Variants in TTLL6 observed in about 807,000 individuals in gnomAD.
TTLL6 encodes tubulin polyglutamylase TTLL6.
Under a neutral mutation model 96.4 loss-of-function variants are expected in TTLL6, and 75 were observed. The ratio of observed to expected loss-of-function variants is 0.78; its 90% CI spans 0.65 to 0.94. TTLL6 has a LOEUF of 0.94. TTLL6 is among the 40% of genes least tolerant of loss of function. TTLL6 has a pLI of 0.00. For missense variants in TTLL6, 1,030 were observed against 1,093.0 expected, an observed-to-expected ratio of 0.94 and a Z score of 0.81; for synonymous variants, 411 against 419.4, an observed-to-expected ratio of 0.98 and a Z score of 0.24.
chr17:48,791,370 T>C lies in TTLL6; in HGVS notation c.1224+8A>G. The C allele has an allele frequency of 6.2e-7, 1 of 1,613,248 alleles. No individual in the cohort carries two copies. The highest frequency in any genetic ancestry group is 8.5e-7 in the Non-Finnish European group (1 of 1,179,346). ...GTTCGTTTTCGCCCCTCGCCCAAAC[T>C]TCCCTACCTCCAGCAGCCAGGGTTT... On this transcript the variant is annotated splice_region_variant and intron_variant, in intron 9 of 15. Transcript: ENST00000393382.
intron 13 of TTLL6, among the ~76,000 whole-genome samples, chr17:48,775,974 G>A (rs528999182): frequency 5.3e-5 from 8 of 152,138 alleles, no homozygotes; most frequent in African/African-American, 1.2e-4. Context: ...ATGTTTCCCC[G>A]CTAAAATCAG....
chr17:48,803,808 A>T (rs1482587974), intron 3 of TTLL6, 83 bp downstream of exon 3: 1 of 1,411,410 alleles, frequency 7.1e-7, no homozygotes, highest in African/African-American at 1.4e-5. Flanking sequence ...TCATCCTCAC[A>T]AATATACAAG....
chr17:48,790,226 T>C (rs1308027431), intron 9 of TTLL6, 120 bp from the exon 10 acceptor site: 14 of 1,052,932 alleles, frequency 1.3e-5, no homozygotes, highest in Non-Finnish European at 1.8e-5. Context: ...ACTACCAAGA[T>C]GAAAGGGAGG....
chr17:48,781,178 C>G (rs2038978123), intron 13 of TTLL6, among the ~76,000 whole-genome samples: 3 of 152,082 alleles, frequency 2.0e-5, no homozygotes, highest in African/African-American at 4.8e-5. Context: ...TCCCGAGGAG[C>G]TGGCATTACA....
chr17:48,777,011 GACACACAC>G (rs71369215), intron 13 of TTLL6, among the ~76,000 whole-genome samples: 15 of 141,496 alleles, frequency 1.1e-4, no homozygotes, highest in South Asian at 7.0e-4. Flanking sequence ...CATAAGGATA[GACACACAC>G]ACACACACAC....
At chr17:48,793,241 A>G (rs1048753141) in intron 8 of TTLL6, among the ~76,000 whole-genome samples, 2 of 152,180 alleles carry the variant, frequency 1.3e-5, no homozygotes, top group East Asian at 3.8e-4. Flanking sequence ...GAGGAGGAAG[A>G]GGAAAGGAGA....
At chr17:48,800,280 T>TC (rs2039387559) in intron 5 of TTLL6, 1 of 153,292 alleles carries the variant, frequency 6.5e-6, no homozygotes, top group Non-Finnish European at 1.5e-5. Flanking sequence ...CTGTGACACC[T>TC]CCATTTCAGC....
intron 13 of TTLL6, among the ~76,000 whole-genome samples, chr17:48,779,962 G>T (rs2038955459): frequency 6.6e-6 from 1 of 152,020 alleles, no homozygotes; most frequent in East Asian, 1.9e-4. Flanking sequence ...AAACTTTCTG[G>T]AGATATCAAA....
chr17:48,787,688 G>A (rs756098038), intron 11 of TTLL6, 123 bp downstream of exon 11: 18 of 944,868 alleles, frequency 1.9e-5, no homozygotes, highest in East Asian at 2.5e-5. Context: ...GAGCCACGGC[G>A]CCTGGTTGCT....
chr17:48,783,207 T>C (rs2039021416), intron 13 of TTLL6, among the ~76,000 whole-genome samples: 1 of 152,054 alleles, frequency 6.6e-6, no homozygotes, highest in Non-Finnish European at 1.5e-5. Context: ...TGAAAAATTT[T>C]GAAAAGCATT....
At chr17:48,795,670 C>T (rs1040363557) in intron 8 of TTLL6, among the ~76,000 whole-genome samples, 25 of 152,190 alleles carry the variant, frequency 1.6e-4, no homozygotes, top group African/African-American at 5.1e-4. Flanking sequence ...TCCAGGGGAA[C>T]ATGGGCCAAG....
At chr17:48,814,318 C>CAAAAAAAAAAAAAAAAAAAAAAAAAAA (rs398030988) in intron 1 of TTLL6, among the ~76,000 whole-genome samples, 1 of 52,856 alleles carries the variant, frequency 1.9e-5, no homozygotes, top group Non-Finnish European at 3.3e-5. Context: ...GACAGTGTCT[C>CAAAAAAAAAAAAAAAAAAAAAAAAAAA]AAAAAAAAAA....
At chr17:48,777,629 G>T (rs918755866) in intron 13 of TTLL6, among the ~76,000 whole-genome samples, 1 of 152,132 alleles carries the variant, frequency 6.6e-6, no homozygotes, top group Non-Finnish European at 1.5e-5. Flanking sequence ...TACTCAGGAG[G>T]CTGAGGCAGG....
intron 1 of TTLL6, chr17:48,812,336 A>G (rs138710506): frequency 1.3e-5 from 2 of 152,334 alleles, no homozygotes; most frequent in East Asian, 3.9e-4. Context: ...ATCATGGTGT[A>G]AGGGCCTCTG....
intron 13 of TTLL6, among the ~76,000 whole-genome samples, chr17:48,781,227 A>G (rs183086236): frequency 2.6e-5 from 4 of 151,700 alleles, no homozygotes; most frequent in Admixed American, 1.3e-4. Context: ...TTGTATTTTT[A>G]GTAGAGATGG....
At chr17:48,771,635 T>A (rs1303083983) in intron 13 of TTLL6, among the ~76,000 whole-genome samples, 3 of 150,370 alleles carry the variant, frequency 2.0e-5, no homozygotes, top group Non-Finnish European at 2.9e-5. Context: ...CTGACTAAAA[T>A]ATATATATAA....
chr17:48,808,127 C>G (rs572849852), intron 1 of TTLL6, among the ~76,000 whole-genome samples: 1 of 152,192 alleles, frequency 6.6e-6, no homozygotes, highest in Non-Finnish European at 1.5e-5. Flanking sequence ...CGTGAGCCAC[C>G]GCGCCCGGCC....
intron 1 of TTLL6, among the ~76,000 whole-genome samples, chr17:48,807,902 G>A (rs141016366): frequency 0.096 from 14,442 of 150,734 alleles, 866 homozygotes; most frequent in Non-Finnish European, 0.13. Context: ...GCAGTGGCGC[G>A]GTCTCGGCTC....
At chr17:48,774,380 T>C (rs2038829790) in intron 13 of TTLL6, among the ~76,000 whole-genome samples, 1 of 151,650 alleles carries the variant, frequency 6.6e-6, no homozygotes, top group African/African-American at 2.4e-5. Flanking sequence ...CCCAGGCTGT[T>C]CTCGAACTCC....
Sources: gnomAD v4.1 joint callset for allele counts (sites outside exome capture counted in the v4.1 genomes callset) on GRCh38, gnomAD v4.1.1 for gene constraint, MANE v1.5 for transcripts, NCBI Gene and HGNC (gene_info 2026-07-23, HGNC 2026-07-21) for gene names.